Variants in IGF1R observed in about 807,000 individuals in gnomAD.
IGF1R encodes insulin-like growth factor 1 receptor.
In IGF1R, 44 loss-of-function variants were observed where a neutral mutation model predicts 144.6. The observed-to-expected ratio is 0.30, with a 90% confidence interval of 0.24 to 0.39. The LOEUF (loss-of-function observed/expected upper bound fraction) is 0.39, where lower values mean the gene tolerates loss of function less well. Ranked by LOEUF, IGF1R falls within the 10% of genes least tolerant of loss-of-function variation. The pLI is 1.00. For synonymous variants in IGF1R, 795 were observed against 722.8 expected, an observed-to-expected ratio of 1.10 and a Z score of -1.60; for missense variants, 1,355 against 1,833.7, an observed-to-expected ratio of 0.74 and a Z score of 4.77.
chr15:98,822,044 T>G lies in IGF1R; in HGVS notation c.641-69281T>G, dbSNP rs968343867. Among the ~76,000 whole-genome samples the G allele has an allele frequency of 2.6e-5, 4 of 152,204 alleles. No individual in the cohort carries two copies. In the East Asian group the frequency reaches 7.7e-4, roughly 29 times the overall value. On this transcript the variant is annotated intron_variant, in intron 2 of 20. Transcript: ENST00000650285. ...CTGTAAATGATAAATAATAATTGAC[T>G]GGTGAGTCTAGGCAAGGCAAGTCAA...
intron 5 of IGF1R, among the ~76,000 whole-genome samples, chr15:98,903,367 T>G (rs2014576937): frequency 6.6e-6 from 1 of 152,232 alleles, no homozygotes; most frequent in South Asian, 2.1e-4. Flanking sequence ...AATTCGCGGA[T>G]AGGCATTTCT....
In IGF1R at chr15:98,827,876, C is replaced by G. The variant is rs186482237; in HGVS notation, c.641-63449C>G. On this transcript the variant is annotated intron_variant, in intron 2 of 20. Transcript: ENST00000650285. ...GATTACAGGCATGAGCCACCGCGCC[C>G]GGCCTAAGATTTCTTATTGTGGTAT... Among the ~76,000 whole-genome samples, 67 of 152,262 alleles carry G rather than the reference C, an allele frequency of 4.4e-4. 1 individual carries two copies. The East Asian group carries it at 0.012, about 26-fold the overall frequency.
At chr15:98,762,238 CTTT>C (rs5814898) in intron 2 of IGF1R, among the ~76,000 whole-genome samples, 20 of 95,794 alleles carry the variant, frequency 2.1e-4, no homozygotes, top group South Asian at 7.2e-4. Context: ...CTTTTCTTTT[CTTT>C]TTTTTTTTTT....
intron 15 of IGF1R, 90 bp downstream of exon 15, chr15:98,930,395 G>C: frequency 1.2e-6 from 1 of 831,494 alleles, no homozygotes; most frequent in Non-Finnish European, 2.0e-6. Context: ...AAGGAAGGAG[G>C]TTTGCATTAT....
chr15:98,955,772 A>T (rs1004007606), intron 20 of IGF1R, among the ~76,000 whole-genome samples: 2 of 152,248 alleles, frequency 1.3e-5, no homozygotes, highest in African/African-American at 4.8e-5. Context: ...TGAAGGCCAG[A>T]CACGGGCAGG....
chr15:98,658,497 T>C (rs1055835287), intron 1 of IGF1R, among the ~76,000 whole-genome samples: 2 of 152,066 alleles, frequency 1.3e-5, no homozygotes, highest in African/African-American at 2.4e-5. Flanking sequence ...GTCAGAAAAA[T>C]TGTGAGGAAA....
At chr15:98,872,443 A>G (rs1044747540) in intron 2 of IGF1R, among the ~76,000 whole-genome samples, 2 of 152,200 alleles carry the variant, frequency 1.3e-5, no homozygotes, top group African/African-American at 4.8e-5. Flanking sequence ...GAGACTGGAC[A>G]TCTCTCCTAC....
At chr15:98,684,819 AT>A (rs1271657838) in intron 1 of IGF1R, among the ~76,000 whole-genome samples, 4 of 150,440 alleles carry the variant, frequency 2.7e-5, no homozygotes, top group African/African-American at 9.8e-5. Context: ...AGTGAGTGTG[AT>A]TTGGGGCAAA....
At chr15:98,862,221 A>G (rs549008289) in intron 2 of IGF1R, among the ~76,000 whole-genome samples, 19 of 152,380 alleles carry the variant, frequency 1.2e-4, no homozygotes, top group Non-Finnish European at 2.1e-4. Context: ...GTAGCAGATG[A>G]TAGAGCAGGG....
intron 2 of IGF1R, among the ~76,000 whole-genome samples, chr15:98,736,215 G>A (rs2054604971): frequency 6.6e-6 from 1 of 152,224 alleles, no homozygotes; most frequent in Admixed American, 6.5e-5. Flanking sequence ...TGCTGCTGGT[G>A]AAGTTACTAA....
chr15:98,892,527 CAAA>C (rs368474118), intron 3 of IGF1R, among the ~76,000 whole-genome samples: 2 of 75,592 alleles, frequency 2.6e-5, no homozygotes, highest in African/African-American at 5.0e-5. Flanking sequence ...ACTCTGTCTC[CAAA>C]AAAAAAAAAA....
At chr15:98,839,422 A>C (rs1048803765) in intron 2 of IGF1R, among the ~76,000 whole-genome samples, 19 of 152,090 alleles carry the variant, frequency 1.2e-4, no homozygotes, top group African/African-American at 4.3e-4. Context: ...TCCCAGCCAC[A>C]TATATGCTCA....
intron 2 of IGF1R, among the ~76,000 whole-genome samples, chr15:98,736,687 C>T: frequency 6.7e-6 from 1 of 148,930 alleles, no homozygotes; most frequent in East Asian, 2.0e-4. Context: ...TCTCGGCTTA[C>T]TGCAACCTCT....
chr15:98,837,299 C>T (rs1340862327), intron 2 of IGF1R, among the ~76,000 whole-genome samples: 6 of 152,066 alleles, frequency 3.9e-5, no homozygotes, highest in African/African-American at 9.7e-5. Flanking sequence ...AGTGCAGTGG[C>T]GCAATCTCGG....
chr15:98,781,037 A>C (rs995596517), intron 2 of IGF1R, among the ~76,000 whole-genome samples: 1 of 152,194 alleles, frequency 6.6e-6, no homozygotes, highest in Non-Finnish European at 1.5e-5. Flanking sequence ...TGGGAGGACT[A>C]CTTGAGCCCA....
rs944651525 is a variant in IGF1R at position 98,958,909 on chromosome 15, A to T, written c.*1467A>T. ...CTGTTGGATGCCTTTTTATAAATAC[A>T]TCCCCCATCCCTGCTCCCACCTGCC... On this transcript the variant is annotated 3_prime_UTR_variant, in exon 21 of 21. Coordinates refer to ENST00000650285, the MANE Select transcript of IGF1R (RefSeq NM_000875.5). 4.3e-6 allele frequency: 1 copy of T among 233,272 alleles called. No individual in the cohort carries two copies. The highest frequency in any genetic ancestry group is 8.5e-6 in the Non-Finnish European group (1 of 117,992). 14.5% of individuals were successfully genotyped at this position (233,272 alleles called of 1,614,324 possible). A position where few individuals can be genotyped will look rare whatever the true frequency, so the allele number is the denominator to read the frequency against.
intron 2 of IGF1R, among the ~76,000 whole-genome samples, chr15:98,847,727 GT>G (rs2011388292): frequency 6.6e-6 from 1 of 152,190 alleles, no homozygotes; most frequent in African/African-American, 2.4e-5. Context: ...ATGTGGGAAT[GT>G]TTATTCCCCC....
intron 2 of IGF1R, among the ~76,000 whole-genome samples, chr15:98,855,963 G>C (rs944657681): frequency 6.6e-6 from 1 of 152,252 alleles, no homozygotes; most frequent in African/African-American, 2.4e-5. Flanking sequence ...CAGAGTGGCC[G>C]TAGAGGCTGC....
chr15:98,649,207 T>C lies in IGF1R; in HGVS notation c.-375T>C, dbSNP rs1342228011. On this transcript the variant is annotated 5_prime_UTR_variant, in exon 1 of 21. Transcript: ENST00000650285. ...GCGCGGCCAGGGCCGGGCTTGTTTT[T>C]CCTCGCCTAGGCAGATTTGGGCTTT... The C allele has an allele frequency of 9.2e-6, 2 of 218,462 alleles. No homozygotes were observed. Among genetic ancestry groups the C allele is most frequent in the Non-Finnish European group, 1.8e-5 (2 of 108,790 alleles). 13.5% of individuals were successfully genotyped at this position (218,462 alleles called of 1,614,324 possible).
Sources: gnomAD v4.1 joint callset for allele counts (sites outside exome capture counted in the v4.1 genomes callset) on GRCh38, gnomAD v4.1.1 for gene constraint, MANE v1.5 for transcripts, NCBI Gene and HGNC (gene_info 2026-07-23, HGNC 2026-07-21) for gene names.